Variants in TYW1B observed in about 807,000 individuals in gnomAD.
TYW1B encodes S-adenosyl-L-methionine-dependent tRNA 4-demethylwyosine synthase TYW1B.
A neutral mutation model predicts 86.9 loss-of-function variants in TYW1B; 73 were observed. The ratio of observed to expected loss-of-function variants is 0.84; its 90% CI spans 0.70 to 1.02. TYW1B has a LOEUF of 1.02. TYW1B is among the 50% of genes least tolerant of loss of function. The pLI, the probability that TYW1B is intolerant of heterozygous loss-of-function variation, is 0.00. For synonymous variants in TYW1B, 248 were observed against 292.8 expected (o/e 0.85, Z 1.56); for missense variants, 637 against 827.4 (o/e 0.77, Z 2.82).
intron 11 of TYW1B, among the ~76,000 whole-genome samples, chr7:72,645,647 C>G (rs1343125307): frequency 6.6e-6 from 1 of 152,044 alleles, no homozygotes; most frequent in South Asian, 2.1e-4. Flanking sequence ...ATCTAACATA[C>G]ATAAAGAAAA....
At chr7:72,752,095 TC>T (rs1191207833) in intron 7 of TYW1B, among the ~76,000 whole-genome samples, 1 of 151,954 alleles carries the variant, frequency 6.6e-6, no homozygotes, top group Admixed American at 6.6e-5. Flanking sequence ...ACAAAGAGGG[TC>T]CCCCAGCTGG....
rs141162907 is a variant in TYW1B, at chr7:72,722,215, A to AG, written c.1192+6606dup. Among the ~76,000 whole-genome samples the AG allele has an allele frequency of 6.9e-3, 1,044 of 152,288 alleles. 9 individuals are homozygous for AG. Among genetic ancestry groups the AG allele is most frequent in the African/African-American group, 0.023 (976 of 41,552 alleles). On this transcript the variant is annotated intron_variant, in intron 9 of 13. Coordinates refer to ENST00000620995, the MANE Select transcript of TYW1B (RefSeq NM_001145440.3). ...TTATGATGTGTATGTTAGCATACCTAGCTTGTGAAAACCATCTGTTGGAGA... is the reference window on the plus strand; with the variant it reads ...TTATGATGTGTATGTTAGCATACCTAGGCTTGTGAAAACCATCTGTTGGAGA...
At chr7:72,684,436 G>A (rs1279092053) in intron 11 of TYW1B, among the ~76,000 whole-genome samples, 1 of 151,956 alleles carries the variant, frequency 6.6e-6, no homozygotes, top group Non-Finnish European at 1.5e-5. Flanking sequence ...TTTAAGTACT[G>A]AAAGAAAAAA....
intron 11 of TYW1B, among the ~76,000 whole-genome samples, chr7:72,634,342 C>CTT (rs782580354): frequency 4.2e-4 from 56 of 132,654 alleles, no homozygotes; most frequent in African/African-American, 1.3e-3. Context: ...CCACTCCTAG[C>CTT]TTTTTTTTTT....
At chr7:72,777,083 C>T (rs1203238539) in intron 7 of TYW1B, among the ~76,000 whole-genome samples, 3 of 152,070 alleles carry the variant, frequency 2.0e-5, no homozygotes, top group African/African-American at 4.8e-5. Context: ...AATCCAGATA[C>T]GATACCTCTA....
chr7:72,593,149 G>A (rs140020036), intron 13 of TYW1B, among the ~76,000 whole-genome samples: 1,894 of 148,068 alleles, frequency 0.013, 41 homozygotes, highest in African/African-American at 0.041. Flanking sequence ...AAAATTAGCT[G>A]GGCATGGTGG....
chr7:72,605,317 G>A (rs1486139114), intron 13 of TYW1B, among the ~76,000 whole-genome samples: 3 of 151,610 alleles, frequency 2.0e-5, no homozygotes, highest in Admixed American at 1.3e-4. Flanking sequence ...ACTGATGTCT[G>A]GAATCCCTCT....
intron 11 of TYW1B, among the ~76,000 whole-genome samples, chr7:72,674,609 T>TA (rs1348956662): frequency 1.3e-5 from 2 of 152,078 alleles, no homozygotes; most frequent in African/African-American, 4.8e-5. Context: ...GAGCCTTGTT[T>TA]AAACTGGCCA....
At chr7:72,716,560 T>A (rs1237176203) in intron 9 of TYW1B, among the ~76,000 whole-genome samples, 2 of 152,190 alleles carry the variant, frequency 1.3e-5, no homozygotes, top group Non-Finnish European at 2.9e-5. Context: ...TTGACTTCAG[T>A]AGGGATAGCA....
intron 7 of TYW1B, among the ~76,000 whole-genome samples, chr7:72,760,034 G>A (rs534383469): frequency 1.8e-4 from 27 of 152,044 alleles, no homozygotes; most frequent in Non-Finnish European, 3.1e-4. Context: ...TGCTTTTTCC[G>A]GCACACAGAG....
chr7:72,677,884 T>A (rs1554447753), intron 11 of TYW1B, among the ~76,000 whole-genome samples: 2 of 152,074 alleles, frequency 1.3e-5, no homozygotes, highest in African/African-American at 4.8e-5. Flanking sequence ...GTATTTTTAG[T>A]ACTGACAGGG....
intron 11 of TYW1B, among the ~76,000 whole-genome samples, chr7:72,652,487 T>C (rs1338922510): frequency 6.0e-5 from 9 of 150,656 alleles, no homozygotes; most frequent in Non-Finnish European, 1.2e-4. Flanking sequence ...GGCTAAATGA[T>C]AGACATAATG....
chr7:72,739,887 G>A (rs1453699617), intron 8 of TYW1B, among the ~76,000 whole-genome samples: 4 of 140,332 alleles, frequency 2.9e-5, no homozygotes, highest in Non-Finnish European at 4.6e-5. Flanking sequence ...CTCAGCACAA[G>A]CAGGAAGCAA....
intron 11 of TYW1B, among the ~76,000 whole-genome samples, chr7:72,668,741 C>T (rs1554445767): frequency 5.3e-5 from 8 of 152,170 alleles, no homozygotes; most frequent in Non-Finnish European, 1.2e-4. Context: ...TTACTTCTAA[C>T]TCCCTATCAG....
intron 11 of TYW1B, among the ~76,000 whole-genome samples, chr7:72,663,971 G>A (rs868939475): frequency 4.0e-5 from 6 of 151,754 alleles, no homozygotes; most frequent in East Asian, 1.9e-4. Flanking sequence ...GAAATAAAAT[G>A]TATCTCTACT....
Position 72,783,805 on chromosome 7 carries a change from G to C in TYW1B, c.847-6272C>G, listed in dbSNP as rs140206824. ...TCATTGTTAAGTGCTCCTAGCTACA[G>C]AGACCATGGTGAGTCAAGATGGTTT... On this transcript the variant is annotated intron_variant, in intron 6 of 13. Transcript: ENST00000620995. Among the ~76,000 whole-genome samples the C allele has an allele frequency of 1.8e-3, 274 of 152,304 alleles. 3 individuals carry two copies. Among genetic ancestry groups the C allele is most frequent in the East Asian group, 7.7e-3 (40 of 5,190 alleles).
intron 9 of TYW1B, among the ~76,000 whole-genome samples, chr7:72,722,560 C>G (rs545770740): frequency 6.6e-6 from 1 of 151,994 alleles, no homozygotes; most frequent in Non-Finnish European, 1.5e-5. Context: ...ATAAAAGGAA[C>G]GCTAATAAAG....
At chr7:72,651,347 G>A (rs1412477448) in intron 11 of TYW1B, among the ~76,000 whole-genome samples, 6 of 152,222 alleles carry the variant, frequency 3.9e-5, no homozygotes, top group Admixed American at 3.9e-4. Flanking sequence ...GCCGGGCACA[G>A]TGGATCACGC....
chr7:72,693,390 G>A (rs746944307), intron 11 of TYW1B, among the ~76,000 whole-genome samples: 163 of 147,782 alleles, frequency 1.1e-3, no homozygotes, highest in Non-Finnish European at 2.1e-3. Flanking sequence ...ATATTTAAAC[G>A]TATACTATTT....
Sources: gnomAD v4.1 joint callset for allele counts (sites outside exome capture counted in the v4.1 genomes callset) on GRCh38, gnomAD v4.1.1 for gene constraint, MANE v1.5 for transcripts, NCBI Gene and HGNC (gene_info 2026-07-23, HGNC 2026-07-21) for gene names.